The following NAV2 variants were observed in gnomAD, a reference collection of about 807,000 sequenced individuals.
NAV2 encodes the protein helicase, APC down-regulated 1.
A neutral mutation model predicts 223.2 loss-of-function variants in NAV2; 54 were observed. The observed-to-expected ratio is 0.24, with a 90% CI of 0.19 to 0.30. NAV2 has a LOEUF of 0.30. Ranked by LOEUF, NAV2 falls within the 10% of genes least tolerant of loss-of-function variation. The pLI, the probability that NAV2 is intolerant of heterozygous loss-of-function variation, is 1.00. For missense variants in NAV2, 2,806 were observed against 3,147.5 expected (o/e 0.89, Z 2.60); for synonymous variants, 1,279 against 1,239.3 (o/e 1.03, Z -0.67).
At chr11:19,373,423 G>A (rs1433035187) in intron 1 of NAV2, among the ~76,000 whole-genome samples, 1 of 152,046 alleles carries the variant, frequency 6.6e-6, no homozygotes, top group Non-Finnish European at 1.5e-5. Context: ...GCTGCTCCTT[G>A]AATCTGCCAA....
At chr11:19,695,223 C>T (rs1465336867) in intron 1 of NAV2, among the ~76,000 whole-genome samples, 3 of 152,174 alleles carry the variant, frequency 2.0e-5, no homozygotes, top group African/African-American at 4.8e-5. Context: ...CGGCACTCTC[C>T]GGTCCAAAAC....
chr11:20,017,879 A>G (rs1189343927), intron 11 of NAV2, among the ~76,000 whole-genome samples: 1 of 152,196 alleles, frequency 6.6e-6, no homozygotes, highest in African/African-American at 2.4e-5. Context: ...AATGTGTCCC[A>G]TACACACAGA....
intron 6 of NAV2, among the ~76,000 whole-genome samples, chr11:19,928,580 C>T (rs1264898251): frequency 6.6e-6 from 1 of 152,202 alleles, no homozygotes; most frequent in African/African-American, 2.4e-5. Context: ...CACCCACCTT[C>T]CCCCAAACTG....
intron 1 of NAV2, among the ~76,000 whole-genome samples, chr11:19,613,158 G>A (rs562591298): frequency 2.2e-4 from 33 of 152,012 alleles, no homozygotes; most frequent in African/African-American, 3.4e-4. Flanking sequence ...CCCCGCCCCC[G>A]CCGTGGGTCT....
chr11:20,063,967 G>A (rs2153629524), intron 20 of NAV2, among the ~76,000 whole-genome samples: 1 of 152,250 alleles, frequency 6.6e-6, no homozygotes, highest in African/African-American at 2.4e-5. Context: ...CTGTTTTGAA[G>A]GACCTAGAAA....
chr11:19,933,618 CCCCAAGATTGCA>C lies in NAV2; in HGVS notation c.1376_1387del (p.Pro459_Ala462del), dbSNP rs1265889862. The C allele has an allele frequency of 6.2e-7, 1 of 1,614,136 alleles. No individual in the cohort carries two copies. Among genetic ancestry groups the C allele is most frequent in the Non-Finnish European group, 8.5e-7 (1 of 1,179,998 alleles). On this transcript the variant is annotated inframe_deletion, in exon 7 of 38. Coordinates refer to ENST00000349880, the MANE Select transcript of NAV2 (RefSeq NM_145117.5). The surrounding 1 kb of genome is among the most constrained non-coding windows in gnomAD (Gnocchi z 4.3). The stretch of plus-strand genomic sequence containing the variant: ...CCACCGTGGGCCCTGCTTCCAGCAG[CCCCAAGATTGCA>C]CTCAAGGGCATTGCCCAGAGGACTT...
chr11:20,092,159 C>A, intron 27 of NAV2, 47 bp from the exon 28 acceptor site: 1 of 1,574,900 alleles, frequency 6.3e-7, no homozygotes, highest in Non-Finnish European at 8.7e-7. Context: ...AAATCTTGTT[C>A]ACATTACTTC....
intron 1 of NAV2, among the ~76,000 whole-genome samples, chr11:19,654,523 G>A (rs1272478457): frequency 6.6e-6 from 1 of 152,092 alleles, no homozygotes; most frequent in African/African-American, 2.4e-5. Context: ...AAAACAGCAT[G>A]GTACTGGTAC....
chr11:19,555,012 C>CAAAAAAAAAAAAA (rs66625282), intron 1 of NAV2, among the ~76,000 whole-genome samples: 13 of 141,568 alleles, frequency 9.2e-5, no homozygotes, highest in African/African-American at 3.5e-4. Context: ...CCATGTTTTG[C>CAAAAAAAAAAAAA]AAAAAAAAAA....
At chr11:19,873,187 C>A (rs1383618698) in intron 4 of NAV2, among the ~76,000 whole-genome samples, 3 of 152,126 alleles carry the variant, frequency 2.0e-5, no homozygotes, top group African/African-American at 7.2e-5. Flanking sequence ...TATGCCAGGC[C>A]CAGTGCTAGG....
chr11:19,752,105 T>C (rs1235887807), intron 1 of NAV2, among the ~76,000 whole-genome samples: 1 of 152,196 alleles, frequency 6.6e-6, no homozygotes, highest in Admixed American at 6.5e-5. Flanking sequence ...TCAAACATTT[T>C]CAGAAGGAAC....
At chr11:20,051,621 G>A (rs994456246) in intron 17 of NAV2, among the ~76,000 whole-genome samples, 3 of 152,190 alleles carry the variant, frequency 2.0e-5, no homozygotes, top group African/African-American at 7.2e-5. Flanking sequence ...ACTGCTTCTG[G>A]GGCCAATGGG....
intron 6 of NAV2, among the ~76,000 whole-genome samples, chr11:19,927,002 C>T (rs2044816537): frequency 6.6e-6 from 1 of 152,212 alleles, no homozygotes; most frequent in African/African-American, 2.4e-5. Flanking sequence ...CTGCTTTAAA[C>T]AGTATTTTCA....
chr11:19,751,238 C>A (rs1436936375), intron 1 of NAV2, among the ~76,000 whole-genome samples: 3 of 152,182 alleles, frequency 2.0e-5, no homozygotes, highest in Admixed American at 6.5e-5. Context: ...GGTGACAGAG[C>A]TGGGACTTTT....
At chr11:19,997,261 A>G (rs1215686383) in intron 11 of NAV2, among the ~76,000 whole-genome samples, 1 of 152,164 alleles carries the variant, frequency 6.6e-6, no homozygotes, top group Non-Finnish European at 1.5e-5. Context: ...ACCTAACCAG[A>G]AGCTGGTGGA....
At chr11:19,365,400 C>T (rs184297413) in intron 1 of NAV2, among the ~76,000 whole-genome samples, 3 of 152,236 alleles carry the variant, frequency 2.0e-5, no homozygotes, top group Admixed American at 6.5e-5. Flanking sequence ...GCACTGTGGT[C>T]AAAATGATGA....
At chr11:20,102,498 A>G (rs531551126) in intron 32 of NAV2, among the ~76,000 whole-genome samples, 8 of 152,208 alleles carry the variant, frequency 5.3e-5, no homozygotes, top group Non-Finnish European at 1.0e-4. Context: ...TGTAAAATGG[A>G]CGTAATCATA....
intron 1 of NAV2, among the ~76,000 whole-genome samples, chr11:19,370,645 C>A (rs1409902704): frequency 6.6e-6 from 1 of 152,204 alleles, no homozygotes; most frequent in Admixed American, 6.5e-5. Flanking sequence ...ACTTTGTGTC[C>A]TAAAATGGCC....
At chr11:19,883,737 G>T (rs994610755) in intron 5 of NAV2, among the ~76,000 whole-genome samples, 1 of 152,056 alleles carries the variant, frequency 6.6e-6, no homozygotes, top group South Asian at 2.1e-4. Context: ...TTCTTTATAT[G>T]TACCAATTTA....
Sources: allele counts gnomAD v4.1 joint callset (sites outside exome capture counted in the v4.1 genomes callset), GRCh38; gene constraint gnomAD v4.1.1; non-coding constraint Gnocchi (gnomAD v3.1); transcripts MANE v1.5; gene names NCBI Gene and HGNC (gene_info 2026-07-23, HGNC 2026-07-21).